FBXL18: variants seen among roughly 807,000 people sequenced by gnomAD.
FBXL18 encodes F-box/LRR-repeat protein 18.
Under a neutral mutation model 46.0 loss-of-function variants are expected in FBXL18, and 36 were observed. The observed-to-expected ratio is 0.78, with a 90% CI of 0.60 to 1.03. FBXL18 has a LOEUF of 1.03. Ranked by LOEUF, FBXL18 falls within the 50% of genes least tolerant of loss-of-function variation. The pLI is 0.00. For missense variants in FBXL18, 977 were observed against 1,004.1 expected (o/e 0.97, Z 0.36); for synonymous variants, 557 against 465.3 (o/e 1.20, Z -2.54).
At chr7:5,497,448 C>G (rs1391566808) in intron 3 of FBXL18, among the ~76,000 whole-genome samples, 1 of 152,168 alleles carries the variant, frequency 6.6e-6, no homozygotes, top group Non-Finnish European at 1.5e-5. Context: ...AATACAGAGG[C>G]TTCTAGCAAT....
chr7:5,484,469 C>CAAAA (rs35237238), intron 4 of FBXL18, among the ~76,000 whole-genome samples: 1 of 68,292 alleles, frequency 1.5e-5, no homozygotes, highest in African/African-American at 5.7e-5. Context: ...GACTCTGTCT[C>CAAAA]AAAAAAAAAA....
At position 5,480,805 on chromosome 7, in the gene FBXL18, AC is replaced by A. The variant is rs1783626246; in HGVS notation, c.*969del. 6.6e-6 allele frequency: 1 copy of A among 151,408 alleles called. No individual in the cohort carries two copies. Among genetic ancestry groups the A allele is most frequent in the Admixed American group, 6.6e-5 (1 of 15,146 alleles). The allele number at this position is 151,408 out of a possible 1,614,324, so 9.4% of individuals were successfully genotyped here. A position where few individuals can be genotyped will look rare whatever the true frequency, so the allele number is the denominator to read the frequency against. On this transcript the variant is annotated 3_prime_UTR_variant, in exon 5 of 5. Transcript: ENST00000382368. ...TCTTGAACTCCTGACCTCGTGATCC[AC>A]CCACCTCAGCCTCCCAAAGTGCCGG... is the stretch of plus-strand genomic sequence containing the variant.
At chr7:5,463,743 T>A (rs1159946699) in intron 4 of FBXL18, among the ~76,000 whole-genome samples, 1,335 of 46,886 alleles carry the variant, frequency 0.028, 60 homozygotes, top group African/African-American at 0.048. Flanking sequence ...TTTTTTTTTT[T>A]TTTTTTTTTT....
At chr7:5,458,713 T>C (rs1783205403) in intron 4 of FBXL18, among the ~76,000 whole-genome samples, 2 of 151,130 alleles carry the variant, frequency 1.3e-5, no homozygotes, top group African/African-American at 4.9e-5. Flanking sequence ...AAAAAAAAAT[T>C]AGCTGGGCGT....
intron 4 of FBXL18, among the ~76,000 whole-genome samples, chr7:5,464,133 C>G (rs1185549403): frequency 6.6e-6 from 1 of 152,048 alleles, no homozygotes; most frequent in African/African-American, 2.4e-5. Flanking sequence ...ATCACGAGGC[C>G]AGGAGTTCAA....
At chr7:5,513,615 C>T (rs1784597924) in intron 1 of FBXL18, 42 bp downstream of exon 1, 1 of 1,609,650 alleles carries the variant, frequency 6.2e-7, no homozygotes, top group South Asian at 1.1e-5. Context: ...GAGACCGAGG[C>T]CGCCGAGGCA....
In FBXL18 at chr7:5,463,763, C is replaced by T. The variant is rs1289428403; in HGVS notation, c.2001-15920G>A. On this transcript the variant is annotated intron_variant and NMD_transcript_variant, in intron 4 of 6. Transcript: ENST00000415009. The stretch of plus-strand genomic sequence containing the variant: ...TTTTTTTTTTTTTTTTTTTTTGAGA[C>T]GGAGTCTCGCTCTGTCGCCCAGGCT... Among the ~76,000 whole-genome samples, 126 of 85,560 alleles carry T rather than the reference C, an allele frequency of 1.5e-3. 2 individuals are homozygous for T. The East Asian group carries it at 0.033, about 22-fold the overall frequency. 56.1% of individuals were successfully genotyped at this position (85,560 alleles called of 152,430 possible). A position where few individuals can be genotyped will look rare whatever the true frequency, so the allele number is the denominator to read the frequency against.
chr7:5,475,757 G>C (rs1276938809), downstream of FBXL18: 1 of 152,274 alleles, frequency 6.6e-6, no homozygotes, highest in Non-Finnish European at 1.5e-5. The surrounding 1 kb of genome is among the most constrained non-coding windows in gnomAD (Gnocchi z 4.2). Flanking sequence ...TTGTAGGCAA[G>C]AGGTCAAAGT....
At chr7:5,463,733 T>TTTTTTTA (rs1783297296) in intron 4 of FBXL18, among the ~76,000 whole-genome samples, 1 of 23,152 alleles carries the variant, frequency 4.3e-5, no homozygotes, top group South Asian at 1.2e-3. Flanking sequence ...TATTTATTTT[T>TTTTTTTA]TTTTTTTTTT....
At position 5,476,670 on chromosome 7, in the gene FBXL18, T is replaced by C. The variant is rs1372947265; in HGVS notation, c.*5105A>G. 6.6e-6 allele frequency: 1 copy of C among 152,122 alleles called. No homozygotes were observed. Among genetic ancestry groups the C allele is most frequent in the South Asian group, 2.1e-4 (1 of 4,804 alleles). The allele number at this position is 152,122 out of a possible 1,614,324, so 9.4% of individuals were successfully genotyped here. ...TTTATGTAGCGATACAGTCTCACTA[T>C]GTTGCCCAGGCTGGTCTCGAACTCC... On this transcript the variant is annotated 3_prime_UTR_variant, in exon 5 of 5. Transcript: ENST00000382368.
rs775995098 is a variant in FBXL18 at position 5,501,406 on chromosome 7, C to T, written c.863G>A (p.Arg288His). 2.5e-6 allele frequency: 4 copies of T among 1,613,552 alleles called. No homozygotes were observed. In the South Asian group the frequency reaches 4.4e-5, roughly 18 times the overall value. The stretch of plus-strand genomic sequence containing the variant: ...CTGCAGGGCATCCAGCACGACATTG[C>T]GCGCCATGGAGTCCAGGAGGTTCTT... Reference protein sequence around the residue: ...ATKNLLDSMARNVVLDALQLP... With the variant: ...ATKNLLDSMAHNVVLDALQLP... Residue 288 changes from arginine to histidine, a missense_variant, in exon 3 of 5, where the codon CGC becomes CAC. By Grantham distance (29) the Arg-to-His change is conservative. Coordinates refer to ENST00000382368, the MANE Select transcript of FBXL18 (RefSeq NM_024963.6).
In FBXL18 at chr7:5,501,858, G is replaced by A; in HGVS notation, c.411C>T (p.Ser137=). 1.9e-6 allele frequency: 3 copies of A among 1,601,830 alleles called. No individual in the cohort carries two copies. Among genetic ancestry groups the A allele is most frequent in the Non-Finnish European group, 1.7e-6 (2 of 1,175,506 alleles). ...SGCHLTSLRL[S]KMLSALQHLR... is the part of the protein sequence containing the mutation. ...GGTGCTGCAGGGCCGAGAGCATCTT[G>A]GAGAGGCGCAGGGAAGTGAGGTGGC... The change falls in exon 3 of 5, where the codon TCC becomes TCT. Residue 137 remains serine, a synonymous_variant. Transcript: ENST00000382368.
At chr7:5,471,239 CCCT>C (rs1231128203), downstream of FBXL18, among the ~76,000 whole-genome samples, 4 of 152,178 alleles carry the variant, frequency 2.6e-5, no homozygotes, top group Non-Finnish European at 5.9e-5. Flanking sequence ...GGCTCTTCCG[CCCT>C]CCTCCAGCCA....
downstream of FBXL18, among the ~76,000 whole-genome samples, chr7:5,472,827 C>CA (rs1232787094): frequency 1.3e-5 from 2 of 152,196 alleles, no homozygotes; most frequent in Non-Finnish European, 1.5e-5. Context: ...GAGCACCCCA[C>CA]AGTGGCCGTT....
At chr7:5,513,629 G>A (rs1415687015) in intron 1 of FBXL18, 28 bp downstream of exon 1, 23 of 1,612,118 alleles carry the variant, frequency 1.4e-5, no homozygotes, top group Non-Finnish European at 1.9e-5. Context: ...CGAGGCAGAA[G>A]CAGAGCGGAG....
chr7:5,490,393 A>C (rs1240231843), intron 4 of FBXL18, among the ~76,000 whole-genome samples: 1 of 152,088 alleles, frequency 6.6e-6, no homozygotes, highest in African/African-American at 2.4e-5. Context: ...CCTCCTCCTA[A>C]TTTGTGTTCA....
At chr7:5,464,955 C>G (rs919081276) in intron 4 of FBXL18, among the ~76,000 whole-genome samples, 1 of 150,914 alleles carries the variant, frequency 6.6e-6, no homozygotes, top group African/African-American at 2.4e-5. Flanking sequence ...CTCAGCTACT[C>G]GGGAGGCTGA....
At chr7:5,490,211 A>G (rs1233156396) in intron 4 of FBXL18, 1 of 1,336,724 alleles carries the variant, frequency 7.5e-7, no homozygotes, top group South Asian at 1.2e-5. Context: ...ACCTCTCCCC[A>G]CCTGCAGGGA....
intron 4 of FBXL18, among the ~76,000 whole-genome samples, chr7:5,486,417 CA>C (rs200837990): frequency 6.8e-6 from 1 of 146,350 alleles, no homozygotes. Context: ...AACTCTGTTT[CA>C]AAAAAAAACA....
Sources: gnomAD v4.1 joint callset for allele counts (sites outside exome capture counted in the v4.1 genomes callset) on GRCh38, gnomAD v4.1.1 for gene constraint, Gnocchi (gnomAD v3.1) non-coding constraint, MANE v1.5 for transcripts, NCBI Gene and HGNC (gene_info 2026-07-23, HGNC 2026-07-21) for gene names.